KCNH1: variants seen among roughly 807,000 people sequenced by gnomAD.
KCNH1 encodes voltage-gated delayed rectifier potassium channel KCNH1.
A neutral mutation model predicts 69.2 loss-of-function variants in KCNH1; 27 were observed. That is an observed-to-expected ratio of 0.39 (90% CI 0.29 to 0.54). The LOEUF is 0.54. Ranked by LOEUF, KCNH1 falls within the 20% of genes least tolerant of loss-of-function variation. KCNH1 has a pLI of 0.68. For missense variants in KCNH1, 798 were observed against 1,261.6 expected (o/e 0.63, Z 5.57); for synonymous variants, 456 against 487.7 (o/e 0.93, Z 0.86).
At chr1:211,066,596 G>A (rs977743534) in intron 5 of KCNH1, among the ~76,000 whole-genome samples, 3 of 152,142 alleles carry the variant, frequency 2.0e-5, no homozygotes, top group Non-Finnish European at 2.9e-5. Flanking sequence ...TGCTCAACCT[G>A]TATATGCCAT....
intron 5 of KCNH1, among the ~76,000 whole-genome samples, chr1:211,057,669 G>C (rs1346829670): frequency 6.7e-6 from 1 of 150,212 alleles, no homozygotes; most frequent in African/African-American, 2.5e-5. Flanking sequence ...GAAGAAAACA[G>C]AAAACAAAGA....
intron 10 of KCNH1, among the ~76,000 whole-genome samples, chr1:210,771,191 G>C (rs541649625): frequency 4.1e-4 from 63 of 152,328 alleles, no homozygotes; most frequent in Non-Finnish European, 8.2e-4. Flanking sequence ...AGAGAGCCAA[G>C]GGTTTGATGA....
At chr1:211,068,174 A>T (rs1390171663) in intron 5 of KCNH1, among the ~76,000 whole-genome samples, 1 of 152,214 alleles carries the variant, frequency 6.6e-6, no homozygotes, top group Non-Finnish European at 1.5e-5. Context: ...TTTTCCTAGC[A>T]GTGGGAGAGG....
chr1:210,860,704 C>A, intron 7 of KCNH1: 1 of 774,770 alleles, frequency 1.3e-6, no homozygotes. Flanking sequence ...TTCTTGATTG[C>A]TGATAAATAC....
chr1:210,798,910 A>C (rs1015894838), intron 8 of KCNH1, among the ~76,000 whole-genome samples: 1 of 152,232 alleles, frequency 6.6e-6, no homozygotes, highest in African/African-American at 2.4e-5. Context: ...AACACTTTAG[A>C]ATCATTCATT....
intron 6 of KCNH1, among the ~76,000 whole-genome samples, chr1:211,010,051 T>C (rs1027040622): frequency 6.6e-6 from 1 of 151,898 alleles, no homozygotes; most frequent in Admixed American, 6.6e-5. Context: ...CCTGGGAAAA[T>C]TCAGGGGGAA....
At chr1:210,733,877 C>G (rs1682803754) in intron 10 of KCNH1, among the ~76,000 whole-genome samples, 1 of 152,074 alleles carries the variant, frequency 6.6e-6, no homozygotes, top group Non-Finnish European at 1.5e-5. Context: ...GGTCTGGTCA[C>G]AAGTTCTCTT....
intron 1 of KCNH1, among the ~76,000 whole-genome samples, chr1:211,121,988 A>C (rs1247886066): frequency 6.6e-6 from 1 of 152,118 alleles, no homozygotes; most frequent in Non-Finnish European, 1.5e-5. Flanking sequence ...ATACAAAAAA[A>C]TTAGCTGGAC....
chr1:210,892,592 C>T (rs990726904), intron 7 of KCNH1, among the ~76,000 whole-genome samples: 11 of 152,036 alleles, frequency 7.2e-5, no homozygotes, highest in African/African-American at 2.4e-4. Flanking sequence ...AGAAGTAATA[C>T]TGAGTCAAAA....
At chr1:210,963,632 C>T (rs554724558) in intron 6 of KCNH1, among the ~76,000 whole-genome samples, 2 of 152,038 alleles carry the variant, frequency 1.3e-5, no homozygotes, top group Admixed American at 1.3e-4. Context: ...AGCGCAAGAA[C>T]TTCATGAAGC....
chr1:210,941,049 T>C (rs1249161859), intron 6 of KCNH1, among the ~76,000 whole-genome samples: 7 of 152,170 alleles, frequency 4.6e-5, no homozygotes, highest in Non-Finnish European at 1.0e-4. Flanking sequence ...GGCCTGAGTA[T>C]AGTACTGGTC....
chr1:210,911,240 T>C (rs1256426035), intron 7 of KCNH1, among the ~76,000 whole-genome samples: 1 of 152,078 alleles, frequency 6.6e-6, no homozygotes, highest in Non-Finnish European at 1.5e-5. Flanking sequence ...ATGGGGTATA[T>C]ACTGCCTGAC....
intron 5 of KCNH1, among the ~76,000 whole-genome samples, chr1:211,076,847 A>G (rs1469032056): frequency 6.6e-6 from 1 of 152,240 alleles, no homozygotes; most frequent in Non-Finnish European, 1.5e-5. Flanking sequence ...CATCGCAAGG[A>G]AGCTAAAACC....
intron 6 of KCNH1, among the ~76,000 whole-genome samples, chr1:211,004,936 A>C (rs1323976122): frequency 6.6e-6 from 1 of 152,164 alleles, no homozygotes; most frequent in Non-Finnish European, 1.5e-5. Flanking sequence ...AAGATTAAAA[A>C]TTCCAAAATT....
At chr1:210,978,590 G>T (rs964209836) in intron 6 of KCNH1, among the ~76,000 whole-genome samples, 2 of 152,090 alleles carry the variant, frequency 1.3e-5, no homozygotes, top group Non-Finnish European at 2.9e-5. Context: ...CCACTTGAAG[G>T]TTATTGTTGT....
chr1:210,949,047 G>T (rs1004868699), intron 6 of KCNH1, among the ~76,000 whole-genome samples: 1 of 152,048 alleles, frequency 6.6e-6, no homozygotes, highest in Non-Finnish European at 1.5e-5. Context: ...GGTTAGATTT[G>T]CCCTGTAGTT....
intron 7 of KCNH1, among the ~76,000 whole-genome samples, chr1:210,910,539 C>A (rs915694111): frequency 6.6e-6 from 1 of 152,234 alleles, no homozygotes; most frequent in Non-Finnish European, 1.5e-5. Flanking sequence ...GTCCCTGCAC[C>A]AGTGCCCTGT....
chr1:210,996,740 G>A (rs551294488), intron 6 of KCNH1, among the ~76,000 whole-genome samples: 1 of 152,338 alleles, frequency 6.6e-6, no homozygotes, highest in East Asian at 1.9e-4. Context: ...CCCCCAGTAG[G>A]GGCAGACTGA....
At position 211,044,246 on chromosome 1, in the gene KCNH1, C is replaced by T. The variant is rs558480042; in HGVS notation, c.559-24990G>A. Among the ~76,000 whole-genome samples, 6 of 152,262 alleles carry T rather than the reference C, an allele frequency of 3.9e-5. No homozygotes were observed. In the South Asian group the frequency reaches 1.2e-3, roughly 32 times the overall value. ...CTGATAAAAGAATTCAGTAAAGTGT[C>T]CAGATACAAAATTAATGTACACAAA... On this transcript the variant is annotated intron_variant, in intron 5 of 10. Transcript: ENST00000271751.
Sources: gnomAD v4.1 joint callset for allele counts (sites outside exome capture counted in the v4.1 genomes callset) on GRCh38, gnomAD v4.1.1 for gene constraint, MANE v1.5 for transcripts, NCBI Gene and HGNC (gene_info 2026-07-23, HGNC 2026-07-21) for gene names.